Variants in ARHGAP39 observed in about 807,000 individuals in gnomAD.
ARHGAP39 encodes Rho GTPase activating protein 39.
A neutral mutation model predicts 106.9 loss-of-function variants in ARHGAP39; 44 were observed. That is an observed-to-expected ratio of 0.41 (90% CI 0.32 to 0.53). The LOEUF (loss-of-function observed/expected upper bound fraction) is 0.53, where lower values mean the gene tolerates loss of function less well. Ranked by LOEUF, ARHGAP39 falls within the 20% of genes least tolerant of loss-of-function variation. The pLI, the probability that ARHGAP39 is intolerant of heterozygous loss-of-function variation, is 0.21. For missense variants in ARHGAP39, 1,496 were observed against 1,577.3 expected (o/e 0.95, Z 0.87); for synonymous variants, 768 against 693.2 (o/e 1.11, Z -1.69).
chr8:144,571,036 C>T (rs1254462904), intron 3 of ARHGAP39, among the ~76,000 whole-genome samples: 2 of 152,144 alleles, frequency 1.3e-5, no homozygotes, highest in African/African-American at 2.4e-5. Flanking sequence ...GATTCACAGC[C>T]GAATTCTACC....
intron 4 of ARHGAP39, among the ~76,000 whole-genome samples, chr8:144,552,369 G>C (rs118100279): frequency 1.8e-3 from 280 of 152,402 alleles, no homozygotes; most frequent in Middle Eastern, 6.8e-3. Context: ...CCTGGACGGA[G>C]CTGGGAGAAG....
chr8:144,661,743 C>T (rs1401770042), intron 1 of ARHGAP39, among the ~76,000 whole-genome samples: 2 of 152,042 alleles, frequency 1.3e-5, no homozygotes, highest in Non-Finnish European at 2.9e-5. Flanking sequence ...GTGGTGTGAT[C>T]ACAGCTCACT....
intron 1 of ARHGAP39, among the ~76,000 whole-genome samples, chr8:144,661,632 C>T (rs527471493): frequency 3.6e-4 from 55 of 152,250 alleles, no homozygotes; most frequent in African/African-American, 1.3e-3. Flanking sequence ...CTGATCTGCC[C>T]GCCTCAGCCT....
intron 1 of ARHGAP39, among the ~76,000 whole-genome samples, chr8:144,654,778 C>A (rs1821655332): frequency 6.6e-6 from 1 of 152,082 alleles, no homozygotes. Flanking sequence ...GGTGGTGCTG[C>A]AGCCACCCAA....
At position 144,547,576 on chromosome 8, in the gene ARHGAP39, C is replaced by T. The variant is rs947301926; in HGVS notation, c.1510G>A (p.Ala504Thr). ...RKSRKPSLCQ[A>T]TSATPTEGPG... ...CCCTCAGTGGGGGTGGCGCTGGTGG[C>T]TTGGCACAAAGAGGGCTTTCTGCTC... Residue 504 changes from alanine (A) to threonine (T), a missense_variant, in exon 5 of 12, where the codon GCC becomes ACC. Coordinates refer to ENST00000377307, the MANE Select transcript of ARHGAP39 (RefSeq NM_025251.3). The surrounding 1 kb of genome is among the most constrained non-coding windows in gnomAD (Gnocchi z 5.2). The T allele has an allele frequency of 8.8e-6, 13 of 1,472,894 alleles. No individual in the cohort carries two copies. The highest frequency in any genetic ancestry group is 1.1e-5 in the Non-Finnish European group (12 of 1,114,260). 91.2% of individuals were successfully genotyped at this position (1,472,894 alleles called of 1,614,324 possible).
intron 7 of ARHGAP39, 37 bp downstream of exon 7, chr8:144,537,684 A>G: frequency 6.4e-7 from 1 of 1,565,534 alleles, no homozygotes. Flanking sequence ...AGAGCTGTGC[A>G]GACGCCGCGC....
Position 144,618,173 on chromosome 8 carries a change from A to G in ARHGAP39, c.-81-12478T>C, listed in dbSNP as rs182411963. On this transcript the variant is annotated intron_variant, in intron 1 of 11. Transcript: ENST00000377307. ...AAAAAATCCTGAGCTCCACCCTTTC[A>G]AGAACCCCTCGCCTGCCTGCATGGC... Among the ~76,000 whole-genome samples, 117 of 152,252 alleles carry G rather than the reference A, an allele frequency of 7.7e-4. 1 individual carries two copies. Among genetic ancestry groups the G allele is most frequent in the Middle Eastern group, 3.4e-3 (1 of 294 alleles).
At chr8:144,531,245 GGCAGC>G (rs1586867832) in intron 10 of ARHGAP39, among the ~76,000 whole-genome samples, 21 of 66,028 alleles carry the variant, frequency 3.2e-4, no homozygotes, top group East Asian at 2.8e-3. Context: ...AAGGGCACAG[GGCAGC>G]GAGCAGCAGG....
intron 1 of ARHGAP39, among the ~76,000 whole-genome samples, chr8:144,665,025 G>A (rs113245598): frequency 0.038 from 5,854 of 152,262 alleles, 330 homozygotes; most frequent in East Asian, 0.25. Flanking sequence ...CTTGTTGAAC[G>A]GTTGACAAAA....
Position 144,547,596 on chromosome 8 carries a change from C to T in ARHGAP39, c.1490G>A (p.Arg497Lys). 6.8e-7 allele frequency: 1 copy of T among 1,479,254 alleles called. No homozygotes were observed. Among genetic ancestry groups the T allele is most frequent in the Non-Finnish European group, 9.0e-7 (1 of 1,116,742 alleles). The allele number at this position is 1,479,254 out of a possible 1,614,324, so 91.6% of individuals were successfully genotyped here. A position where few individuals can be genotyped will look rare whatever the true frequency, so the allele number is the denominator to read the frequency against. ...GGTGGCTTGGCACAAAGAGGGCTTT[C>T]TGCTCTTCCGCTTGCGCGTGCCCGG... is the stretch of plus-strand genomic sequence containing the variant. ...YSPGTRKRKS[R>K]KPSLCQATSA... The change falls in exon 5 of 12, where the codon AGA becomes AAA. Residue 497 changes from arginine (R) to lysine (K), a missense_variant. Arg to Lys is a conservative substitution (Grantham distance 26). Transcript: ENST00000377307. This position sits in a 1 kb window ranked among gnomAD's most constrained non-coding sequence, Gnocchi z 5.2.
At position 144,671,942 on chromosome 8, in the gene ARHGAP39, C is replaced by G. The variant is rs1822111097; in HGVS notation, c.-82+13744G>C. On this transcript the variant is annotated intron_variant, in intron 1 of 11. Coordinates refer to ENST00000377307, the MANE Select transcript of ARHGAP39 (RefSeq NM_025251.3). This position sits in a 1 kb window ranked among gnomAD's most constrained non-coding sequence, Gnocchi z 4.5. ...ACCAGGTGTGAGAGCCCTGCCAGAG[C>G]AATGGAGACAGGCTCCGCCCAAGTG... is the stretch of plus-strand genomic sequence containing the variant. Among the ~76,000 whole-genome samples, 1 of 152,216 alleles carries G rather than the reference C, an allele frequency of 6.6e-6. No homozygotes were observed. Among genetic ancestry groups the G allele is most frequent in the Admixed American group, 6.5e-5 (1 of 15,284 alleles).
Position 144,581,255 on chromosome 8 carries a change from C to T in ARHGAP39, c.103G>A (p.Glu35Lys), listed in dbSNP as rs1818978635. 6.4e-7 allele frequency: 1 copy of T among 1,551,110 alleles called. No individual in the cohort carries two copies. Among genetic ancestry groups the T allele is most frequent in the Non-Finnish European group, 8.7e-7 (1 of 1,148,356 alleles). The change falls in exon 3 of 12, where the codon GAA becomes AAA. Residue 35 changes from glutamate (E) to lysine (K), a missense_variant. By Grantham distance (56) the Glu-to-Lys change is moderately conservative (BLOSUM62 1). Coordinates refer to ENST00000377307, the MANE Select transcript of ARHGAP39 (RefSeq NM_025251.3). ...TACATGCGCTCGCGGGTGCGCGGTT[C>T]GATGATCTCCACCCACTCCAACCTG... ...NTRLEWVEII[E>K]PRTRERMYAN... is the part of the protein sequence containing the mutation.
rs541587318 is a variant in ARHGAP39 at position 144,591,101 on chromosome 8, C to T, written c.81-9824G>A. ...TGGCCGGTCTCTGTCACCTTTGCTTCCATGACCTCCTGGAGCCGGGTGGCT... is the reference window on the plus strand; with the variant it reads ...TGGCCGGTCTCTGTCACCTTTGCTTTCATGACCTCCTGGAGCCGGGTGGCT... On this transcript the variant is annotated intron_variant, in intron 2 of 11. Coordinates refer to ENST00000377307, the MANE Select transcript of ARHGAP39 (RefSeq NM_025251.3). This position sits in a 1 kb window ranked among gnomAD's most constrained non-coding sequence, Gnocchi z 5.3. 1.3e-5 allele frequency among the ~76,000 whole-genome samples: 2 copies of T among 152,334 alleles called. No individual in the cohort carries two copies. Among genetic ancestry groups the T allele is most frequent in the African/African-American group, 4.8e-5 (2 of 41,578 alleles).
chr8:144,574,149 G>GAAAA (rs35193383), intron 3 of ARHGAP39, among the ~76,000 whole-genome samples: 1 of 107,282 alleles, frequency 9.3e-6, no homozygotes, highest in African/African-American at 3.8e-5. Context: ...CTGGGTGACA[G>GAAAA]AAAAAAAAAA....
intron 1 of ARHGAP39, among the ~76,000 whole-genome samples, chr8:144,636,372 G>A (rs760731669): frequency 2.0e-5 from 3 of 152,192 alleles, no homozygotes; most frequent in Non-Finnish European, 4.4e-5. Flanking sequence ...CAATTGAACT[G>A]CCTGGGTTAG....
At chr8:144,651,930 A>G (rs1404922825) in intron 1 of ARHGAP39, among the ~76,000 whole-genome samples, 1 of 152,164 alleles carries the variant, frequency 6.6e-6, no homozygotes, top group African/African-American at 2.4e-5. Context: ...CTCAAGATGG[A>G]TTAAAGACTT....
Position 144,605,722 on chromosome 8 carries a change from T to C in ARHGAP39, c.-81-27A>G, listed in dbSNP as rs1189324469. ...TGCAAGAGGGGAGAAGCAACAGTGC[T>C]GATATGGAAGACGCCTCACCACACC... On this transcript the variant is annotated intron_variant, in intron 1 of 11. Coordinates refer to ENST00000377307, the MANE Select transcript of ARHGAP39 (RefSeq NM_025251.3). 2.7e-6 allele frequency: 3 copies of C among 1,097,672 alleles called. No individual in the cohort carries two copies. The East Asian group carries it at 7.2e-5, about 27-fold the overall frequency. 68.0% of individuals were successfully genotyped at this position (1,097,672 alleles called of 1,614,324 possible).
chr8:144,563,794 A>C (rs1469213011), intron 3 of ARHGAP39, among the ~76,000 whole-genome samples: 3 of 151,938 alleles, frequency 2.0e-5, no homozygotes, highest in Admixed American at 2.0e-4. Context: ...GTATCTAAAA[A>C]AAATAATAAT....
At chr8:144,573,461 TG>T (rs1170058493) in intron 3 of ARHGAP39, among the ~76,000 whole-genome samples, 3 of 20,784 alleles carry the variant, frequency 1.4e-4, no homozygotes, top group Non-Finnish European at 2.9e-4. Context: ...TGTTGGGGGG[TG>T]GGGGGCTGGG....
Sources: allele counts gnomAD v4.1 joint callset (sites outside exome capture counted in the v4.1 genomes callset), GRCh38; gene constraint gnomAD v4.1.1; non-coding constraint Gnocchi (gnomAD v3.1); transcripts MANE v1.5; gene names NCBI Gene and HGNC (gene_info 2026-07-23, HGNC 2026-07-21).